The following ZBTB48 variants were observed in gnomAD, a reference collection of about 807,000 sequenced individuals.
ZBTB48 encodes the protein zinc finger and BTB domain-containing protein 48.
In ZBTB48, 35 loss-of-function variants were observed where a neutral mutation model predicts 64.5. That is an observed-to-expected ratio of 0.54 (90% CI 0.41 to 0.72). ZBTB48 has a LOEUF of 0.72. Among genes scored for constraint, ZBTB48 ranks in the 30% least tolerant of loss-of-function variants. ZBTB48 has a pLI of 0.00. For synonymous variants in ZBTB48, 442 were observed against 356.7 expected (o/e 1.24, Z -2.70); for missense variants, 828 against 895.3 (o/e 0.92, Z 0.96).
chr1:6,586,574 T>C, intron 4 of ZBTB48, 121 bp from the exon 5 acceptor site: 10 of 566,626 alleles, frequency 1.8e-5, no homozygotes, highest in Non-Finnish European at 2.4e-5. Context: ...TCTCCCACCC[T>C]AGCGTCCCCA....
rs780936440 is a variant in ZBTB48 at position 6,580,771 on chromosome 1, C to G, written c.162C>G (p.Leu54=). ...LACCSHFFQS[L]YGDGSGGSVV... is the part of the protein sequence containing the mutation. The stretch of plus-strand genomic sequence containing the variant: ...GCTGCAGTCACTTTTTCCAGAGCCT[C>G]TACGGGGATGGCTCAGGGGGCAGTG... The change falls in exon 2 of 11, where the codon CTC becomes CTG. Residue 54 remains leucine (L), a synonymous_variant. Transcript: ENST00000377674. The surrounding 1 kb of genome is among the most constrained non-coding windows in gnomAD (Gnocchi z 5.2). The G allele has an allele frequency of 8.1e-6, 13 of 1,614,118 alleles. No individual in the cohort carries two copies. In the African/African-American group the frequency reaches 1.7e-4, roughly 22 times the overall value.
Position 6,582,427 on chromosome 1 carries a change from G to A in ZBTB48, c.932+128G>A, listed in dbSNP as rs557800717. On this transcript the variant is annotated intron_variant, in intron 3 of 10. Coordinates refer to ENST00000377674, the MANE Select transcript of ZBTB48 (RefSeq NM_005341.4). ...CCATCTCAGACCCACATAGTGTCTGGCCTTGGTACACCTCTGATAATCAGG... is the reference window on the plus strand; with the variant it reads ...CCATCTCAGACCCACATAGTGTCTGACCTTGGTACACCTCTGATAATCAGG... 8.0e-6 allele frequency: 10 copies of A among 1,244,508 alleles called. No individual in the cohort carries two copies. The East Asian group carries it at 2.3e-4, about 29-fold the overall frequency. 77.1% of individuals were successfully genotyped at this position (1,244,508 alleles called of 1,614,324 possible).
At chr1:6,583,946 ATTTT>A (rs758129885) in intron 3 of ZBTB48, among the ~76,000 whole-genome samples, 8 of 151,476 alleles carry the variant, frequency 5.3e-5, no homozygotes, top group Non-Finnish European at 8.8e-5. Context: ...CACCTGGCTA[ATTTT>A]TTTGTGTGTG....
rs1276656163 is a variant in ZBTB48, at chr1:6,580,178, G to A, written c.-70+42G>A. The A allele has an allele frequency of 2.1e-5, 4 of 193,986 alleles. No individual in the cohort carries two copies. Among genetic ancestry groups the A allele is most frequent in the Non-Finnish European group, 4.3e-5 (4 of 93,014 alleles). The allele number at this position is 193,986 out of a possible 1,614,324, so 12.0% of individuals were successfully genotyped here. A position where few individuals can be genotyped will look rare whatever the true frequency, so the allele number is the denominator to read the frequency against. On this transcript the variant is annotated intron_variant, in intron 1 of 10. Transcript: ENST00000377674. This position sits in a 1 kb window ranked among gnomAD's most constrained non-coding sequence, Gnocchi z 5.2. ...GTGAGGGAGGGAGGGGCTGCGGGCC[G>A]CCGTGGCTGCCTTCCGCTCGGCCGC... is the stretch of plus-strand genomic sequence containing the variant.
In ZBTB48 at chr1:6,589,204, G is replaced by T; in HGVS notation, c.2059G>T (p.Asp687Tyr). 6.6e-7 allele frequency: 1 copy of T among 1,515,472 alleles called. No homozygotes were observed. Among genetic ancestry groups the T allele is most frequent in the South Asian group, 1.3e-5 (1 of 75,942 alleles). 93.9% of individuals were successfully genotyped at this position (1,515,472 alleles called of 1,614,324 possible). Residue 687 changes from aspartate to tyrosine, a missense_variant, in exon 11 of 11, where the codon GAC becomes TAC. Asp to Tyr is a radical substitution (Grantham distance 160). Transcript: ENST00000377674. ...IITAAVPEDC[D>Y]T Reference sequence around the variant, plus strand: ...CACAGCTGCTGTCCCCGAGGACTGTGACACATAGCCCATTCTGGCCACCAG... The same window carrying T: ...CACAGCTGCTGTCCCCGAGGACTGTTACACATAGCCCATTCTGGCCACCAG...
Position 6,588,360 on chromosome 1 carries a change from G to A in ZBTB48, c.1599G>A (p.Lys533=). 2 of 1,604,042 alleles carry A rather than the reference G, an allele frequency of 1.2e-6. No homozygotes were observed. The highest frequency in any genetic ancestry group is 1.7e-6 in the Non-Finnish European group (2 of 1,172,760). The part of the protein sequence containing the change: ...CEFCEQRFTE[K]GPLLRHVASR... ...TCTGTGAACAGCGCTTCACTGAGAAGGGGCCCCTCCTGAGGCACGTGGCCA... is the reference window on the plus strand; with the variant it reads ...TCTGTGAACAGCGCTTCACTGAGAAAGGGCCCCTCCTGAGGCACGTGGCCA... The change falls in exon 9 of 11, where the codon AAG becomes AAA. Residue 533 remains lysine, a synonymous_variant. Coordinates refer to ENST00000377674, the MANE Select transcript of ZBTB48 (RefSeq NM_005341.4).
In ZBTB48 at chr1:6,580,693, C is replaced by T. The variant is rs750574014; in HGVS notation, c.84C>T (p.Ala28=). ...GGGAGAAGGGCCAGTACTGCGACGC[C>T]ACTCTGGACGTGGGGGGCCTGGTGT... The part of the protein sequence containing the change: ...KQREKGQYCD[A]TLDVGGLVFK... The change falls in exon 2 of 11, where the codon GCC becomes GCT. Residue 28 remains alanine, a synonymous_variant. Coordinates refer to ENST00000377674, the MANE Select transcript of ZBTB48 (RefSeq NM_005341.4). This position sits in a 1 kb window ranked among gnomAD's most constrained non-coding sequence, Gnocchi z 5.2. 1 of 1,614,172 alleles carries T rather than the reference C, an allele frequency of 6.2e-7. No individual in the cohort carries two copies. The highest frequency in any genetic ancestry group is 8.5e-7 in the Non-Finnish European group (1 of 1,180,038).
At chr1:6,586,950 G>A (rs758176465) in intron 5 of ZBTB48, 163 bp downstream of exon 5, 1 of 916,492 alleles carries the variant, frequency 1.1e-6, no homozygotes, top group Non-Finnish European at 1.7e-6. Flanking sequence ...ATCTAGGCAG[G>A]GCTACTGTCT....
intron 3 of ZBTB48, among the ~76,000 whole-genome samples, chr1:6,585,057 A>G (rs1186920850): frequency 9.9e-5 from 15 of 152,226 alleles, no homozygotes; most frequent in African/African-American, 3.4e-4. Flanking sequence ...CTGCCGAAGA[A>G]GAAAAAGCAG....
In ZBTB48 at chr1:6,580,714, G is replaced by C; in HGVS notation, c.105G>C (p.Leu35=). The C allele has an allele frequency of 6.2e-7, 1 of 1,614,160 alleles. No homozygotes were observed. The highest frequency in any genetic ancestry group is 8.5e-7 in the Non-Finnish European group (1 of 1,180,044). The change falls in exon 2 of 11, where the codon CTG becomes CTC. Residue 35 remains leucine (L), a synonymous_variant. Coordinates refer to ENST00000377674, the MANE Select transcript of ZBTB48 (RefSeq NM_005341.4). This position sits in a 1 kb window ranked among gnomAD's most constrained non-coding sequence, Gnocchi z 5.2. ...ACGCCACTCTGGACGTGGGGGGCCT[G>C]GTGTTTAAGGCACACTGGAGTGTCC... ...YCDATLDVGG[L]VFKAHWSVLA...
Position 6,588,647 on chromosome 1 carries a change from T to G in ZBTB48, c.1682-109T>G. On this transcript the variant is annotated intron_variant, in intron 9 of 10. Coordinates refer to ENST00000377674, the MANE Select transcript of ZBTB48 (RefSeq NM_005341.4). ...GAGCCTGGCAGGGCCTGTGCAGCAC[T>G]TGTAAACCACTGGTCCCCTCCCTTG... 2.6e-6 allele frequency: 4 copies of G among 1,519,404 alleles called. No individual in the cohort carries two copies. The South Asian group carries it at 3.6e-5, about 14-fold the overall frequency. 94.1% of individuals were successfully genotyped at this position (1,519,404 alleles called of 1,614,324 possible).
chr1:6,586,122 A>C, intron 4 of ZBTB48, 92 bp downstream of exon 4: 4 of 1,282,078 alleles, frequency 3.1e-6, no homozygotes, highest in Non-Finnish European at 3.4e-6. Context: ...AGACTGTCTG[A>C]GAGGGGTACT....
At position 6,585,667 on chromosome 1, in the gene ZBTB48, G is replaced by A. The variant is rs1159626576; in HGVS notation, c.933-252G>A. The A allele has an allele frequency of 3.2e-5, 16 of 503,706 alleles. No homozygotes were observed. In the Admixed American group the frequency reaches 4.7e-4, roughly 15 times the overall value. 31.2% of individuals were successfully genotyped at this position (503,706 alleles called of 1,614,324 possible). ...CTTCAGACAGAATGCGGTCAGCTGG[G>A]CCTCCCTGTCGGCCTCTGTGCTGGC... On this transcript the variant is annotated intron_variant, in intron 3 of 10. Coordinates refer to ENST00000377674, the MANE Select transcript of ZBTB48 (RefSeq NM_005341.4).
intron 3 of ZBTB48, chr1:6,585,707 C>T (rs1449188575): frequency 5.2e-6 from 3 of 574,734 alleles, no homozygotes; most frequent in Non-Finnish European, 9.3e-6. Flanking sequence ...TCCATGGCAG[C>T]CTCTTAGGAC....
chr1:6,586,748 G>A lies in ZBTB48; in HGVS notation c.1098G>A (p.Arg366=). ...QETFRRRMEL[R]VHMVSHTGEM... Reference sequence around the variant, plus strand: ...CATTCCGCCGAAGGATGGAGCTGCGGGTGCACATGGTGTCTCACACAGGGG... The same window carrying A: ...CATTCCGCCGAAGGATGGAGCTGCGAGTGCACATGGTGTCTCACACAGGGG... Residue 366 remains arginine (R), a synonymous_variant, in exon 5 of 11, where the codon CGG becomes CGA. Coordinates refer to ENST00000377674, the MANE Select transcript of ZBTB48 (RefSeq NM_005341.4). The A allele has an allele frequency of 1.9e-6, 3 of 1,596,124 alleles. No individual in the cohort carries two copies. The highest frequency in any genetic ancestry group is 2.6e-6 in the Non-Finnish European group (3 of 1,169,414).
Position 6,581,187 on chromosome 1 carries a change from T to C in ZBTB48, c.578T>C (p.Leu193Pro). Reference protein sequence around the residue: ...SEGPSSLCGKLKQALKPCPLE... With the variant: ...SEGPSSLCGKPKQALKPCPLE... ...GGCCCCTCCTCCCTCTGTGGGAAAC[T>C]GAAGCAGGCCTTGAAGCCTTGTCCC... is the stretch of plus-strand genomic sequence containing the variant. The change falls in exon 2 of 11, where the codon CTG becomes CCG. Residue 193 changes from leucine to proline, a missense_variant. Physicochemically the swap from Leu to Pro is moderately conservative, Grantham distance 98. Coordinates refer to ENST00000377674, the MANE Select transcript of ZBTB48 (RefSeq NM_005341.4). The C allele has an allele frequency of 1.2e-6, 2 of 1,613,474 alleles. No homozygotes were observed. The highest frequency in any genetic ancestry group is 2.2e-5 in the South Asian group (2 of 91,076).
chr1:6,589,234 C>T lies in ZBTB48; in HGVS notation c.*22C>T. ...ATAGCCCATTCTGGCCACCAGAGCC[C>T]ACTTGGCCCCACCCCTCAATAAACC... is the stretch of plus-strand genomic sequence containing the variant. On this transcript the variant is annotated 3_prime_UTR_variant, in exon 11 of 11. Coordinates refer to ENST00000377674, the MANE Select transcript of ZBTB48 (RefSeq NM_005341.4). 1 of 1,492,006 alleles carries T rather than the reference C, an allele frequency of 6.7e-7. No individual in the cohort carries two copies. The highest frequency in any genetic ancestry group is 8.9e-7 in the Non-Finnish European group (1 of 1,126,600). The allele number at this position is 1,492,006 out of a possible 1,614,324, so 92.4% of individuals were successfully genotyped here.
chr1:6,586,612 G>A lies in ZBTB48; in HGVS notation c.1045-83G>A, dbSNP rs574579095. 1.1e-5 allele frequency: 15 copies of A among 1,351,684 alleles called. No homozygotes were observed. In the African/African-American group the frequency reaches 2.1e-4, roughly 19 times the overall value. The allele number at this position is 1,351,684 out of a possible 1,614,324, so 83.7% of individuals were successfully genotyped here. A position where few individuals can be genotyped will look rare whatever the true frequency, so the allele number is the denominator to read the frequency against. On this transcript the variant is annotated intron_variant, in intron 4 of 10. Transcript: ENST00000377674. ...CTCCCCAGGCAGACTCTTCCCAGCA[G>A]CAAGCGGAAGCCCGGGCAGAGGCTG...
intron 4 of ZBTB48, chr1:6,586,485 C>G: frequency 3.7e-6 from 4 of 1,081,314 alleles, no homozygotes; most frequent in Non-Finnish European, 5.0e-6. Flanking sequence ...CCCAGTCTGT[C>G]TGGGCCTGAG....
Sources: gnomAD v4.1 joint callset for allele counts (sites outside exome capture counted in the v4.1 genomes callset) on GRCh38, gnomAD v4.1.1 for gene constraint, Gnocchi (gnomAD v3.1) non-coding constraint, MANE v1.5 for transcripts, NCBI Gene and HGNC (gene_info 2026-07-23, HGNC 2026-07-21) for gene names.